ACOT12: variants seen among roughly 807,000 people sequenced by gnomAD.
ACOT12 encodes acetyl-coenzyme A thioesterase.
In ACOT12, 51 loss-of-function variants were observed where a neutral mutation model predicts 67.7. That is an observed-to-expected ratio of 0.75 (90% CI 0.60 to 0.95). The LOEUF is 0.95. Among genes scored for constraint, ACOT12 ranks in the 40% least tolerant of loss-of-function variants. The pLI is 0.00. For synonymous variants in ACOT12, 251 were observed against 244.6 expected, an observed-to-expected ratio of 1.03 and a Z score of -0.24; for missense variants, 734 against 708.1, an observed-to-expected ratio of 1.04 and a Z score of -0.41.
At chr5:81,360,515 A>T (rs1469827864) in intron 4 of ACOT12, among the ~76,000 whole-genome samples, 1 of 152,250 alleles carries the variant, frequency 6.6e-6, no homozygotes, top group Non-Finnish European at 1.5e-5. Flanking sequence ...TGGAAATTTC[A>T]TTACATGGTG....
At chr5:81,350,218 T>C (rs1371682452) in intron 5 of ACOT12, among the ~76,000 whole-genome samples, 1 of 152,220 alleles carries the variant, frequency 6.6e-6, no homozygotes, top group Non-Finnish European at 1.5e-5. Flanking sequence ...CTCTTTCAGA[T>C]CTATCTTCCA....
intron 1 of ACOT12, among the ~76,000 whole-genome samples, chr5:81,392,747 T>C (rs1439928194): frequency 7.6e-6 from 1 of 131,176 alleles, no homozygotes; most frequent in East Asian, 2.0e-4. Flanking sequence ...TCTCAAATCC[T>C]GTTAAAAAAA....
At position 81,330,799 on chromosome 5, in the gene ACOT12, T is replaced by G; in HGVS notation, c.1518+15A>C. ...GGCAGAGCCAATTAATCTGCAGATG[T>G]TTCATCAAACTTACGATGCATGAAT... On this transcript the variant is annotated intron_variant, in intron 14 of 14. Transcript: ENST00000307624. 1 of 1,609,338 alleles carries G rather than the reference T, an allele frequency of 6.2e-7. No individual in the cohort carries two copies. Among genetic ancestry groups the G allele is most frequent in the South Asian group, 1.1e-5 (1 of 90,232 alleles).
At chr5:81,379,412 T>C (rs1760514032) in intron 2 of ACOT12, among the ~76,000 whole-genome samples, 1 of 151,992 alleles carries the variant, frequency 6.6e-6, no homozygotes, top group African/African-American at 2.4e-5. Flanking sequence ...CAAACCACCA[T>C]GGCACGTGTA....
rs140954672 is a variant in ACOT12 at position 81,330,913 on chromosome 5, C to A, written c.1419G>T (p.Ser473=). The change falls in exon 14 of 15, where the codon TCG becomes TCT. Residue 473 remains serine, a synonymous_variant. Coordinates refer to ENST00000307624, the MANE Select transcript of ACOT12 (RefSeq NM_130767.3). Reference sequence around the variant, plus strand: ...ACGGGGGGACCGATGGCAAAATGACCGACTTCACTGCCACTGTGTAAGTGT... The same window carrying A: ...ACGGGGGGACCGATGGCAAAATGACAGACTTCACTGCCACTGTGTAAGTGT... The part of the protein sequence containing the change: ...DGNTYTVAVK[S]VILPSVPPSP... 1.9e-6 allele frequency: 3 copies of A among 1,611,822 alleles called. No homozygotes were observed. The South Asian group carries it at 3.3e-5, about 18-fold the overall frequency.
chr5:81,376,567 C>G (rs567687054), intron 2 of ACOT12, among the ~76,000 whole-genome samples: 1 of 151,424 alleles, frequency 6.6e-6, no homozygotes, highest in African/African-American at 2.4e-5. Flanking sequence ...TTTCTGAAAA[C>G]GTCAGCAAAT....
At chr5:81,331,608 T>C (rs1758831084) in intron 13 of ACOT12, among the ~76,000 whole-genome samples, 1 of 152,138 alleles carries the variant, frequency 6.6e-6, no homozygotes, top group African/African-American at 2.4e-5. Context: ...GGCTACAAAA[T>C]AAAAATCTTC....
chr5:81,351,774 A>C (rs1312359543), intron 5 of ACOT12, among the ~76,000 whole-genome samples: 1 of 152,234 alleles, frequency 6.6e-6, no homozygotes, highest in African/African-American at 2.4e-5. Flanking sequence ...CAAGTTAAAA[A>C]GCATCTGCAC....
intron 3 of ACOT12, among the ~76,000 whole-genome samples, chr5:81,370,639 G>A (rs1467119797): frequency 6.6e-6 from 1 of 152,196 alleles, no homozygotes; most frequent in South Asian, 2.1e-4. Flanking sequence ...CCATGGGAGG[G>A]TAGGAGAGCA....
At chr5:81,386,249 C>T (rs1313228547) in intron 1 of ACOT12, among the ~76,000 whole-genome samples, 1 of 152,184 alleles carries the variant, frequency 6.6e-6, no homozygotes, top group Non-Finnish European at 1.5e-5. Context: ...AATGATTTAA[C>T]CACCGTAAGC....
chr5:81,320,718 T>C, the ACOT12 span, among the ~76,000 whole-genome samples: 74,955 of 151,602 alleles, frequency 0.49, 19,172 homozygotes, highest in Admixed American at 0.62. Flanking sequence ...GCAGCAGCAA[T>C]GAGTAGTAAA....
At chr5:81,377,208 T>C (rs929331103) in intron 2 of ACOT12, among the ~76,000 whole-genome samples, 5 of 151,994 alleles carry the variant, frequency 3.3e-5, no homozygotes, top group Non-Finnish European at 7.4e-5. Context: ...TAAACATAAT[T>C]CATCACATAA....
At chr5:81,345,293 G>A (rs1283320285) in intron 7 of ACOT12, among the ~76,000 whole-genome samples, 1 of 152,152 alleles carries the variant, frequency 6.6e-6, no homozygotes, top group African/African-American at 2.4e-5. Flanking sequence ...GTGGGAAAAA[G>A]GCCAGGAAGG....
intron 2 of ACOT12, among the ~76,000 whole-genome samples, chr5:81,380,305 T>C (rs1471037736): frequency 1.3e-5 from 2 of 152,130 alleles, no homozygotes; most frequent in Non-Finnish European, 2.9e-5. Context: ...GGCTCACACC[T>C]GTAATCCCAG....
At chr5:81,386,252 C>T (rs1760721849) in intron 1 of ACOT12, among the ~76,000 whole-genome samples, 1 of 152,184 alleles carries the variant, frequency 6.6e-6, no homozygotes, top group African/African-American at 2.4e-5. Context: ...GATTTAACCA[C>T]CGTAAGCACT....
chr5:81,370,166 C>T (rs1343932209), intron 3 of ACOT12, among the ~76,000 whole-genome samples: 1 of 151,990 alleles, frequency 6.6e-6, no homozygotes, highest in Non-Finnish European at 1.5e-5. Flanking sequence ...CCCAGCTACT[C>T]GGGAGGCTGA....
intron 2 of ACOT12, among the ~76,000 whole-genome samples, chr5:81,375,363 A>G (rs984997869): frequency 1.3e-5 from 2 of 152,182 alleles, no homozygotes; most frequent in African/African-American, 4.8e-5. Flanking sequence ...GAAAGGAACA[A>G]CCGGTACCAG....
intron 4 of ACOT12, among the ~76,000 whole-genome samples, chr5:81,360,781 C>G (rs1759880672): frequency 6.6e-6 from 1 of 152,130 alleles, no homozygotes; most frequent in Non-Finnish European, 1.5e-5. Flanking sequence ...CTAGTGATCC[C>G]TGGGTGTGGT....
In ACOT12 at chr5:81,362,368, G is replaced by A. The variant is rs1759940858; in HGVS notation, c.360+1420C>T. Among the ~76,000 whole-genome samples the A allele has an allele frequency of 2.0e-5, 3 of 151,998 alleles. No individual in the cohort carries two copies. In the South Asian group the frequency reaches 6.2e-4, roughly 32 times the overall value. On this transcript the variant is annotated intron_variant, in intron 4 of 14. Coordinates refer to ENST00000307624, the MANE Select transcript of ACOT12 (RefSeq NM_130767.3). ...TTTAGTAGAGAGGGGGTTTCTCCAT[G>A]TTGGCCAGGCTGGTCTTGAACTCCT...
Sources: gnomAD v4.1 joint callset for allele counts (sites outside exome capture counted in the v4.1 genomes callset) on GRCh38, gnomAD v4.1.1 for gene constraint, MANE v1.5 for transcripts, NCBI Gene and HGNC (gene_info 2026-07-23, HGNC 2026-07-21) for gene names.